PRDM2: variants seen among roughly 807,000 people sequenced by gnomAD.
PRDM2 encodes PR domain zinc finger protein 2.
PRDM2 carries 30 observed loss-of-function variants against 130.0 expected under a neutral mutation model. The observed-to-expected ratio is 0.23, with a 90% confidence interval of 0.17 to 0.31. PRDM2 has a LOEUF of 0.31. PRDM2 is among the 10% of genes least tolerant of loss of function. PRDM2 has a pLI of 1.00. For synonymous variants in PRDM2, 871 were observed against 782.4 expected, an observed-to-expected ratio of 1.11 and a Z score of -1.89; for missense variants, 2,011 against 2,108.4, an observed-to-expected ratio of 0.95 and a Z score of 0.90.
chr1:13,721,756 C>G (rs1482758233), intron 2 of PRDM2, among the ~76,000 whole-genome samples: 1 of 152,134 alleles, frequency 6.6e-6, no homozygotes, highest in Non-Finnish European at 1.5e-5. Context: ...GATAGTAACA[C>G]TTCGGCAGAG....
intron 2 of PRDM2, among the ~76,000 whole-genome samples, chr1:13,725,971 A>G (rs1458925507): frequency 6.6e-6 from 1 of 152,240 alleles, no homozygotes; most frequent in African/African-American, 2.4e-5. Flanking sequence ...GTGGCATAGT[A>G]TTTGAGAATC....
rs1644599569 is a variant in PRDM2 at position 13,780,977 on chromosome 1, C to T, written c.3182C>T (p.Ser1061Phe). Residue 1061 changes from serine to phenylalanine, a missense_variant, in exon 8 of 10, where the codon TCC becomes TTC. Physicochemically the swap from Ser to Phe is radical, Grantham distance 155. Around this residue, in one of 5 missense-constraint regions of PRDM2, gnomAD observed 1,288 missense variants for 1,237.7 expected, o/e 1.04. Coordinates refer to ENST00000311066, the MANE Select transcript of PRDM2 (RefSeq NM_001393986.1). ...LSSSSSSSSS[S>F]SSFSSSSSSS... ...TCTTCCTCCTCTTCATCTTCCTCCT[C>T]CTCTTCGTTTTCTTCTTCATCTTCC... The T allele has an allele frequency of 4.4e-6, 7 of 1,602,164 alleles. No homozygotes were observed. Among genetic ancestry groups the T allele is most frequent in the Non-Finnish European group, 6.0e-6 (7 of 1,169,418 alleles).
chr1:13,716,986 A>G (rs916803613), intron 2 of PRDM2, among the ~76,000 whole-genome samples: 9 of 152,066 alleles, frequency 5.9e-5, no homozygotes, highest in African/African-American at 1.9e-4. Flanking sequence ...CACAAGTTCA[A>G]TTTAATTAGC....
intron 8 of PRDM2, among the ~76,000 whole-genome samples, chr1:13,789,009 G>A (rs1644796272): frequency 6.6e-6 from 1 of 152,162 alleles, no homozygotes; most frequent in African/African-American, 2.4e-5. Flanking sequence ...GGATCAAGAT[G>A]CTGTCAGACA....
intron 1 of PRDM2, among the ~76,000 whole-genome samples, chr1:13,713,994 G>A (rs963267658): frequency 3.9e-5 from 6 of 151,906 alleles, no homozygotes; most frequent in African/African-American, 1.2e-4. Flanking sequence ...TCAGCCTCCC[G>A]AGTAGCTGGG....
chr1:13,782,501 GCTC>G lies in PRDM2; in HGVS notation c.4713_4715del (p.Ser1572del). ...GCTTCGGTGAAATCCAAAAAACCAA[GCTC>G]CTCCTCTTTAAGGAACTCCAGCCCG... On this transcript the variant is annotated inframe_deletion, in exon 8 of 10. Coordinates refer to ENST00000311066, the MANE Select transcript of PRDM2 (RefSeq NM_001393986.1). The G allele has an allele frequency of 6.2e-7, 1 of 1,614,048 alleles. No homozygotes were observed. The highest frequency in any genetic ancestry group is 1.6e-4 in the Middle Eastern group (1 of 6,062).
At chr1:13,753,043 C>T (rs908571355) in intron 6 of PRDM2, among the ~76,000 whole-genome samples, 3 of 152,176 alleles carry the variant, frequency 2.0e-5, no homozygotes, top group Non-Finnish European at 2.9e-5. Context: ...CTCATTTAAT[C>T]AATGGGGATT....
In PRDM2 at chr1:13,708,610, T is replaced by G. The variant is rs562493110; in HGVS notation, c.-65-6931T>G. 3.3e-5 allele frequency among the ~76,000 whole-genome samples: 5 copies of G among 152,368 alleles called. No individual in the cohort carries two copies. In the South Asian group the frequency reaches 1.0e-3, roughly 32 times the overall value. ...TCAGGGCCTGCGATAGTTGTCTGTC[T>G]GTCGTGTTCTAGGCCTCACTGAGGA... On this transcript the variant is annotated intron_variant, in intron 1 of 9. Coordinates refer to ENST00000311066, the MANE Select transcript of PRDM2 (RefSeq NM_001393986.1).
intron 6 of PRDM2, among the ~76,000 whole-genome samples, chr1:13,757,800 T>A (rs1016190318): frequency 2.3e-4 from 23 of 101,496 alleles, no homozygotes; most frequent in East Asian, 2.0e-3. Context: ...TTTTTTTTTT[T>A]AACTTTCATT....
intron 2 of PRDM2, among the ~76,000 whole-genome samples, chr1:13,723,862 G>T (rs1236869477): frequency 3.9e-5 from 6 of 152,196 alleles, no homozygotes; most frequent in African/African-American, 1.4e-4. Flanking sequence ...ACTGCTCTGA[G>T]CTGGGCACTC....
chr1:13,798,197 AAAAG>A (rs1290085157), intron 8 of PRDM2, among the ~76,000 whole-genome samples: 2 of 152,180 alleles, frequency 1.3e-5, no homozygotes, highest in South Asian at 2.1e-4. Context: ...AAGAAAAAGA[AAAAG>A]AAATCCTCAA....
chr1:13,799,359 C>T (rs765053604), intron 8 of PRDM2, among the ~76,000 whole-genome samples: 15 of 151,726 alleles, frequency 9.9e-5, no homozygotes, highest in Non-Finnish European at 1.6e-4. Context: ...ACAGGAGAAT[C>T]GCTTGAACCC....
chr1:13,732,912 C>T, intron 4 of PRDM2, 30 bp downstream of exon 4: 2 of 1,380,908 alleles, frequency 1.4e-6, no homozygotes, highest in South Asian at 2.6e-5. Flanking sequence ...CTTTGTTTTT[C>T]AGAGTTTTAT....
chr1:13,701,463 A>G (rs1341300004), intron 1 of PRDM2, among the ~76,000 whole-genome samples: 3 of 151,424 alleles, frequency 2.0e-5, no homozygotes, highest in Non-Finnish European at 4.4e-5. Context: ...TAGGCCTTTT[A>G]AAAAAAAACA....
At chr1:13,725,425 G>A (rs1410071171) in intron 2 of PRDM2, among the ~76,000 whole-genome samples, 1 of 152,034 alleles carries the variant, frequency 6.6e-6, no homozygotes, top group African/African-American at 2.4e-5. Flanking sequence ...GGTTGGTCTT[G>A]AACTCCTGAC....
intron 8 of PRDM2, 24 bp downstream of exon 8, chr1:13,782,855 G>T: frequency 6.2e-7 from 1 of 1,606,990 alleles, no homozygotes; most frequent in Non-Finnish European, 8.5e-7. Context: ...CTGGTGGGAG[G>T]GAAAGACCGG....
intron 8 of PRDM2, among the ~76,000 whole-genome samples, chr1:13,785,116 GAGA>G (rs1435716677): frequency 6.6e-6 from 1 of 152,228 alleles, no homozygotes; most frequent in African/African-American, 2.4e-5. Context: ...AGGGCTCGTA[GAGA>G]GGAGGCCTCA....
At chr1:13,704,215 C>T (rs1642144039) in intron 1 of PRDM2, among the ~76,000 whole-genome samples, 1 of 152,200 alleles carries the variant, frequency 6.6e-6, no homozygotes, top group Non-Finnish European at 1.5e-5. Flanking sequence ...TATAATTTCA[C>T]TGGAATGAAT....
rs185895917 is a variant in PRDM2, at chr1:13,736,800, A to G, written c.231+3918A>G. ...TAATATTAAATTGTTAAAAATATCTATTTTTGTAGAGGAAAACCAGTGGTC... is the reference window on the plus strand; with the variant it reads ...TAATATTAAATTGTTAAAAATATCTGTTTTTGTAGAGGAAAACCAGTGGTC... On this transcript the variant is annotated intron_variant, in intron 4 of 9. Transcript: ENST00000311066. Among the ~76,000 whole-genome samples, 68 of 152,144 alleles carry G rather than the reference A, an allele frequency of 4.5e-4. 2 individuals are homozygous for G. In the East Asian group the frequency reaches 0.013, roughly 29 times the overall value.
Sources: gnomAD v4.1 joint callset for allele counts (sites outside exome capture counted in the v4.1 genomes callset) on GRCh38, gnomAD v4.1.1 for gene constraint, gnomAD v4.1.1 regional missense constraint, MANE v1.5 for transcripts, NCBI Gene and HGNC (gene_info 2026-07-23, HGNC 2026-07-21) for gene names.